CAST: variants seen among roughly 807,000 people sequenced by gnomAD.
CAST encodes the protein calpastatin, also known as MIR583 host.
A neutral mutation model predicts 119.6 loss-of-function variants in CAST; 76 were observed. The observed-to-expected ratio is 0.64, with a 90% CI of 0.53 to 0.77. The LOEUF (loss-of-function observed/expected upper bound fraction) is 0.77. Ranked by LOEUF, CAST falls within the 30% of genes least tolerant of loss-of-function variation. The pLI is 0.00. For synonymous variants in CAST, 319 were observed against 331.6 expected, an observed-to-expected ratio of 0.96 and a Z score of 0.41; for missense variants, 953 against 946.5, an observed-to-expected ratio of 1.01 and a Z score of -0.09.
chr5:96,686,019 A>G (rs1752040207), intron 2 of CAST, among the ~76,000 whole-genome samples: 1 of 151,512 alleles, frequency 6.6e-6, no homozygotes. Flanking sequence ...TCACTCTGCC[A>G]TATTGTGGGA....
At chr5:96,490,959 T>C in the CAST span, among the ~76,000 whole-genome samples, 20 of 152,058 alleles carry the variant, frequency 1.3e-4, no homozygotes, top group Non-Finnish European at 2.6e-4. Flanking sequence ...CAGTGGGAAA[T>C]GGTATTTGCA....
chr5:96,172,704 C>G, the CAST span, among the ~76,000 whole-genome samples: 5 of 152,170 alleles, frequency 3.3e-5, no homozygotes, highest in Non-Finnish European at 7.4e-5. Flanking sequence ...GAGTTGCAAA[C>G]AGATCCCTCT....
chr5:96,389,460 G>C, the CAST span, among the ~76,000 whole-genome samples: 1 of 152,158 alleles, frequency 6.6e-6, no homozygotes, highest in South Asian at 2.1e-4. Context: ...AAGTCCTTCT[G>C]GAATTTCTGA....
the CAST span, among the ~76,000 whole-genome samples, chr5:95,984,418 C>G: frequency 1.3e-5 from 2 of 152,114 alleles, no homozygotes; most frequent in African/African-American, 2.4e-5. Context: ...CAGTGATACT[C>G]TATCCTAATT....
chr5:96,750,706 A>G, intron 20 of CAST, 24 bp downstream of exon 20: 2 of 1,495,624 alleles, frequency 1.3e-6, no homozygotes, highest in Non-Finnish European at 1.9e-6. Context: ...TGGGCATTTG[A>G]GCAGTGGCTT....
chr5:96,275,374 C>CA, the CAST span, among the ~76,000 whole-genome samples: 1,075 of 152,052 alleles, frequency 7.1e-3, 16 homozygotes, highest in African/African-American at 0.024. Context: ...CCAATGATGT[C>CA]AAAAAAGGGA....
chr5:96,769,317 C>G (rs1187464913), intron 29 of CAST: 1 of 151,848 alleles, frequency 6.6e-6, no homozygotes, highest in African/African-American at 2.4e-5. Context: ...TATTTTTATA[C>G]GTAACCTGCT....
chr5:96,267,979 T>C, the CAST span, among the ~76,000 whole-genome samples: 1 of 152,222 alleles, frequency 6.6e-6, no homozygotes, highest in East Asian at 1.9e-4. Flanking sequence ...TTCTATTCTT[T>C]ATGATCTAAG....
At chr5:96,144,098 G>C in the CAST span, among the ~76,000 whole-genome samples, 89 of 152,246 alleles carry the variant, frequency 5.8e-4, no homozygotes, top group Middle Eastern at 3.4e-3. Flanking sequence ...ACATAATTAG[G>C]TGTCTTGACG....
the CAST span, chr5:96,394,782 T>C: frequency 1.2e-5 from 16 of 1,293,856 alleles, no homozygotes; most frequent in Non-Finnish European, 1.7e-5. Flanking sequence ...TATTTCCTGC[T>C]TGGAAGTTGG....
the CAST span, among the ~76,000 whole-genome samples, chr5:96,026,780 TC>T: frequency 6.6e-6 from 1 of 152,228 alleles, no homozygotes; most frequent in Non-Finnish European, 1.5e-5. Flanking sequence ...GTGCTAAACA[TC>T]CATTTTCTTG....
intron 25 of CAST, chr5:96,762,858 G>GT (rs1768482780): frequency 2.7e-6 from 1 of 365,560 alleles, no homozygotes; most frequent in African/African-American, 2.1e-5. Context: ...ATTCACACCA[G>GT]TAAAAATTTG....
the CAST span, among the ~76,000 whole-genome samples, chr5:96,112,247 T>G: frequency 1.1e-4 from 17 of 152,282 alleles, no homozygotes; most frequent in African/African-American, 4.1e-4. Flanking sequence ...ATATATTACC[T>G]AATTCAGGAC....
the CAST span, among the ~76,000 whole-genome samples, chr5:96,430,304 C>G: frequency 6.6e-6 from 1 of 152,134 alleles, no homozygotes; most frequent in African/African-American, 2.4e-5. Flanking sequence ...TCTAGGTAAC[C>G]CTGCATTTTT....
chr5:96,721,244 G>T lies in CAST; in HGVS notation c.211-1395G>T, dbSNP rs189774367. Reference sequence around the variant, plus strand: ...AGGGAGTGTCCAGTTGGTGCCTAAGGGTTCTCAGGAATAGTTATGTTTATA... The same window carrying T: ...AGGGAGTGTCCAGTTGGTGCCTAAGTGTTCTCAGGAATAGTTATGTTTATA... On this transcript the variant is annotated intron_variant, in intron 3 of 31. Transcript: ENST00000675179. 5.3e-5 allele frequency among the ~76,000 whole-genome samples: 8 copies of T among 152,124 alleles called. No individual in the cohort carries two copies. The East Asian group carries it at 1.3e-3, about 26-fold the overall frequency.
chr5:96,727,370 C>A, intron 5 of CAST, 119 bp from the exon 6 acceptor site: 1 of 544,292 alleles, frequency 1.8e-6, no homozygotes, highest in Non-Finnish European at 3.2e-6. Context: ...TTTATAATTA[C>A]ATTAAAAATC....
intron 1 of CAST, among the ~76,000 whole-genome samples, chr5:96,577,757 T>C (rs1033949409): frequency 5.9e-5 from 9 of 152,190 alleles, no homozygotes; most frequent in African/African-American, 1.7e-4. Context: ...TTTAATTCTT[T>C]CAAATTTGTT....
chr5:96,203,091 G>A, the CAST span, among the ~76,000 whole-genome samples: 1 of 151,702 alleles, frequency 6.6e-6, no homozygotes, highest in Non-Finnish European at 1.5e-5. Flanking sequence ...TTTTTTAGGT[G>A]TAGGTGTATA....
chr5:96,201,159 T>G, the CAST span, among the ~76,000 whole-genome samples: 314 of 152,248 alleles, frequency 2.1e-3, 1 homozygote, highest in African/African-American at 7.0e-3. Flanking sequence ...TAATAAAAAA[T>G]AAAAATAATT....
Sources: allele counts gnomAD v4.1 joint callset (sites outside exome capture counted in the v4.1 genomes callset), GRCh38; gene constraint gnomAD v4.1.1; transcripts MANE v1.5; gene names NCBI Gene and HGNC (gene_info 2026-07-23, HGNC 2026-07-21).